Variants in SPTLC2 observed in about 807,000 individuals in gnomAD.
SPTLC2 encodes the protein serine palmitoyltransferase long chain base subunit 2.
Under a neutral mutation model 62.0 loss-of-function variants are expected in SPTLC2, and 21 were observed. That is an observed-to-expected ratio of 0.34 (90% CI 0.24 to 0.49). SPTLC2 has a LOEUF of 0.49. Among genes scored for constraint, SPTLC2 ranks in the 20% least tolerant of loss-of-function variants. SPTLC2 has a pLI of 0.99. For synonymous variants in SPTLC2, 261 were observed against 261.8 expected (o/e 1.00, Z 0.03); for missense variants, 511 against 713.0 (o/e 0.72, Z 3.23).
intron 6 of SPTLC2, among the ~76,000 whole-genome samples, chr14:77,558,632 T>TTA (rs943376400): frequency 5.9e-4 from 90 of 151,478 alleles, no homozygotes; most frequent in South Asian, 5.0e-3. Flanking sequence ...TTTTGTTTTT[T>TTA]TTTTTTTGAG....
At chr14:77,587,074 CA>C (rs1308370187) in intron 2 of SPTLC2, among the ~76,000 whole-genome samples, 1 of 151,866 alleles carries the variant, frequency 6.6e-6, no homozygotes, top group Non-Finnish European at 1.5e-5. Flanking sequence ...AATACAAAAA[CA>C]AAATTAGCTG....
At chr14:77,551,387 T>C in intron 9 of SPTLC2, among the ~76,000 whole-genome samples, 1 of 65,380 alleles carries the variant, frequency 1.5e-5, no homozygotes, top group South Asian at 7.4e-4. Flanking sequence ...TGAGACTCCG[T>C]CTCAAAAAAA....
At chr14:77,527,865 C>T (rs2079417076) in intron 9 of SPTLC2, among the ~76,000 whole-genome samples, 1 of 152,152 alleles carries the variant, frequency 6.6e-6, no homozygotes, top group South Asian at 2.1e-4. Context: ...AGAGCATGCA[C>T]TCAGCTGCTT....
chr14:77,544,511 G>C (rs2079518055), intron 9 of SPTLC2, among the ~76,000 whole-genome samples: 1 of 152,124 alleles, frequency 6.6e-6, no homozygotes, highest in African/African-American at 2.4e-5. Flanking sequence ...ATACTCAATG[G>C]GTCTACAGAA....
chr14:77,592,535 T>C (rs2079823895), intron 2 of SPTLC2, among the ~76,000 whole-genome samples: 1 of 152,192 alleles, frequency 6.6e-6, no homozygotes. Flanking sequence ...AAAATAAGCC[T>C]ATTGGGATAT....
At chr14:77,519,779 T>C (rs2079376990) in intron 10 of SPTLC2, among the ~76,000 whole-genome samples, 1 of 152,198 alleles carries the variant, frequency 6.6e-6, no homozygotes, top group Admixed American at 6.5e-5. Context: ...CCAGTACATC[T>C]TCCTCAACAT....
At chr14:77,526,174 A>G (rs2079408277) in intron 9 of SPTLC2, among the ~76,000 whole-genome samples, 1 of 152,238 alleles carries the variant, frequency 6.6e-6, no homozygotes, top group African/African-American at 2.4e-5. Context: ...CAGACAACAT[A>G]GTTACCCACT....
intron 4 of SPTLC2, among the ~76,000 whole-genome samples, chr14:77,571,033 T>G (rs921204545): frequency 1.3e-5 from 2 of 152,070 alleles, no homozygotes; most frequent in Admixed American, 6.6e-5. Context: ...AGCTGAAGTG[T>G]CAAACGTGAG....
chr14:77,547,765 T>C (rs1400292418), intron 9 of SPTLC2: 4 of 152,058 alleles, frequency 2.6e-5, no homozygotes. Flanking sequence ...GACACGTCTC[T>C]GGCACAGTGT....
chr14:77,570,255 G>A, intron 5 of SPTLC2, 129 bp downstream of exon 5: 1 of 1,178,366 alleles, frequency 8.5e-7, no homozygotes, highest in Non-Finnish European at 1.2e-6. Flanking sequence ...AACAATTTGT[G>A]GTAGAAATAT....
At chr14:77,520,973 T>C (rs1316905439) in intron 10 of SPTLC2, among the ~76,000 whole-genome samples, 2 of 152,226 alleles carry the variant, frequency 1.3e-5, no homozygotes, top group African/African-American at 4.8e-5. Context: ...AAATCTTTGC[T>C]CAGATGTCAT....
intron 9 of SPTLC2, among the ~76,000 whole-genome samples, chr14:77,531,463 T>TCCTCCTCCTCCTCTCCCTCCC (rs1228864711): frequency 8.3e-6 from 1 of 121,196 alleles, no homozygotes. Context: ...CTCCTCCTCC[T>TCCTCCTCCTCCTCTCCCTCCC]CCTCCTCCTC....
chr14:77,511,918 C>G lies in SPTLC2; in HGVS notation c.*366G>C, dbSNP rs1002159361. Reference sequence around the variant, plus strand: ...TGCGGAGCCAGGGCCAGCAGTAGCTCTTGATGGGCCCAAGTCTGCAAGGTG... The same window carrying G: ...TGCGGAGCCAGGGCCAGCAGTAGCTGTTGATGGGCCCAAGTCTGCAAGGTG... On this transcript the variant is annotated 3_prime_UTR_variant, in exon 12 of 12. Transcript: ENST00000216484. 1.9e-5 allele frequency: 6 copies of G among 313,262 alleles called. No individual in the cohort carries two copies. The Admixed American group carries it at 2.2e-4, about 12-fold the overall frequency. 19.4% of individuals were successfully genotyped at this position (313,262 alleles called of 1,614,324 possible).
At chr14:77,562,886 A>C (rs2079622724) in intron 5 of SPTLC2, among the ~76,000 whole-genome samples, 2 of 152,200 alleles carry the variant, frequency 1.3e-5, no homozygotes, top group South Asian at 4.1e-4. Context: ...TGATGGGGTC[A>C]TGTCTGTGGA....
chr14:77,515,636 G>A (rs150149401), intron 11 of SPTLC2, among the ~76,000 whole-genome samples: 5,822 of 141,896 alleles, frequency 0.041, 155 homozygotes, highest in Middle Eastern at 0.07. Flanking sequence ...TGCAACCTCC[G>A]CCTCCCAGAT....
At chr14:77,593,633 G>A (rs578012082) in intron 2 of SPTLC2, among the ~76,000 whole-genome samples, 1 of 152,276 alleles carries the variant, frequency 6.6e-6, no homozygotes, top group Middle Eastern at 3.4e-3. Flanking sequence ...ATGATCATGT[G>A]ATTTAGTTGT....
chr14:77,565,499 C>A (rs1303404159), intron 5 of SPTLC2, among the ~76,000 whole-genome samples: 1 of 152,138 alleles, frequency 6.6e-6, no homozygotes, highest in Non-Finnish European at 1.5e-5. Context: ...CATAGTCTCT[C>A]GCATGATTCA....
chr14:77,564,427 AC>A (rs1566781726), intron 5 of SPTLC2, among the ~76,000 whole-genome samples: 85 of 148,832 alleles, frequency 5.7e-4, no homozygotes, highest in African/African-American at 2.0e-3. Context: ...ACACACACAC[AC>A]ACACACACAC....
chr14:77,552,644 A>C (rs1036953526), intron 8 of SPTLC2, among the ~76,000 whole-genome samples: 3 of 151,900 alleles, frequency 2.0e-5, no homozygotes, highest in Non-Finnish European at 4.4e-5. Flanking sequence ...CATCTCTACT[A>C]AAAATACAAA....
Sources: allele counts gnomAD v4.1 joint callset (sites outside exome capture counted in the v4.1 genomes callset), GRCh38; gene constraint gnomAD v4.1.1; transcripts MANE v1.5; gene names NCBI Gene and HGNC (gene_info 2026-07-23, HGNC 2026-07-21).